The following GAP43 variants were observed in gnomAD, a reference collection of about 807,000 sequenced individuals.
The protein encoded by GAP43 is growth associated protein 43.
In GAP43, 6 loss-of-function variants were observed where a neutral mutation model predicts 18.6. That is an observed-to-expected ratio of 0.32 (90% CI 0.18 to 0.64). The LOEUF (loss-of-function observed/expected upper bound fraction) is 0.64. Ranked by LOEUF, GAP43 falls within the 30% of genes least tolerant of loss-of-function variation. GAP43 has a pLI of 0.78. For missense variants in GAP43, 292 were observed against 295.5 expected (o/e 0.99, Z 0.09); for synonymous variants, 115 against 111.4 (o/e 1.03, Z -0.20).
At chr3:115,715,502 T>C (rs1709492175) in intron 2 of GAP43, among the ~76,000 whole-genome samples, 1 of 152,206 alleles carries the variant, frequency 6.6e-6, no homozygotes, top group South Asian at 2.1e-4. Context: ...GGGAGGTTGA[T>C]CCGCTAGATG....
intron 1 of GAP43, among the ~76,000 whole-genome samples, chr3:115,650,265 A>T (rs1708505906): frequency 6.6e-6 from 1 of 152,152 alleles, no homozygotes; most frequent in Non-Finnish European, 1.5e-5. Flanking sequence ...TATGGTAAAG[A>T]GTGCAACTCA....
In GAP43 at chr3:115,683,121, A is replaced by ATG. The variant is rs1491453976; in HGVS notation, c.628+6514_628+6515dup. Among the ~76,000 whole-genome samples, 6 of 69,014 alleles carry ATG rather than the reference A, an allele frequency of 8.7e-5. No individual in the cohort carries two copies. In the South Asian group the frequency reaches 2.3e-3, roughly 26 times the overall value. 45.3% of individuals were successfully genotyped at this position (69,014 alleles called of 152,430 possible). ...ATATTTTTCTTTTTTCTCTACATAC[A>ATG]TGTGCGCGCGCGTGCGCGCGCGCGC... On this transcript the variant is annotated intron_variant, in intron 2 of 2. Coordinates refer to ENST00000305124, the MANE Select transcript of GAP43 (RefSeq NM_002045.4).
chr3:115,706,139 C>T (rs1050491744), intron 2 of GAP43, among the ~76,000 whole-genome samples: 3 of 151,808 alleles, frequency 2.0e-5, no homozygotes, highest in African/African-American at 7.3e-5. Flanking sequence ...ATGCCTGTCC[C>T]CAAATAACTT....
chr3:115,677,804 A>G, intron 2 of GAP43, among the ~76,000 whole-genome samples: 1 of 152,228 alleles, frequency 6.6e-6, no homozygotes, highest in Non-Finnish European at 1.5e-5. Flanking sequence ...ATGTTTTGGC[A>G]TCTGACCATC....
chr3:115,643,419 T>C (rs1708422102), intron 1 of GAP43, among the ~76,000 whole-genome samples: 1 of 152,072 alleles, frequency 6.6e-6, no homozygotes, highest in South Asian at 2.1e-4. Context: ...GTGAGCTCTC[T>C]GATATTATCC....
intron 1 of GAP43, among the ~76,000 whole-genome samples, chr3:115,661,971 G>C (rs916422929): frequency 6.6e-6 from 1 of 151,050 alleles, no homozygotes; most frequent in African/African-American, 2.4e-5. Flanking sequence ...TAAGCAATGG[G>C]AATGTCTAAA....
At chr3:115,700,299 T>G (rs1324483364) in intron 2 of GAP43, among the ~76,000 whole-genome samples, 1 of 152,158 alleles carries the variant, frequency 6.6e-6, no homozygotes, top group Non-Finnish European at 1.5e-5. Context: ...CTGGCCAATA[T>G]GAATAATGAT....
At chr3:115,657,575 G>A (rs904706649) in intron 1 of GAP43, among the ~76,000 whole-genome samples, 3 of 152,154 alleles carry the variant, frequency 2.0e-5, no homozygotes, top group Non-Finnish European at 1.5e-5. Flanking sequence ...TTACAGTTGG[G>A]TGAGAAGCTA....
At chr3:115,688,807 T>G (rs1425401493) in intron 2 of GAP43, among the ~76,000 whole-genome samples, 1 of 152,180 alleles carries the variant, frequency 6.6e-6, no homozygotes, top group East Asian at 1.9e-4. Flanking sequence ...AAACCACTCA[T>G]ACAAAGCTAT....
Position 115,625,281 on chromosome 3 carries a change from G to A in GAP43, c.30+1562G>A, listed in dbSNP as rs1250461981. Among the ~76,000 whole-genome samples, 5 of 151,726 alleles carry A rather than the reference G, an allele frequency of 3.3e-5. No homozygotes were observed. In the East Asian group the frequency reaches 7.8e-4, roughly 24 times the overall value. ...TATTTGGGGGAAAAAGTCGGATAGTGGGGGATTGAGTTGGGGGCGGTATTT... is the reference window on the plus strand; with the variant it reads ...TATTTGGGGGAAAAAGTCGGATAGTAGGGGATTGAGTTGGGGGCGGTATTT... On this transcript the variant is annotated intron_variant, in intron 1 of 2. Coordinates refer to ENST00000305124, the MANE Select transcript of GAP43 (RefSeq NM_002045.4).
intron 2 of GAP43, among the ~76,000 whole-genome samples, chr3:115,698,247 A>AATATATAATATATAATATATATAAAAT (rs1553724665): frequency 6.9e-4 from 10 of 14,442 alleles, no homozygotes; most frequent in African/African-American, 1.3e-4. Context: ...AAATATATAT[A>AATATATAATATATAATATATATAAAAT]ATATATAATA....
chr3:115,696,590 C>T (rs937922058), intron 2 of GAP43, among the ~76,000 whole-genome samples: 1 of 129,050 alleles, frequency 7.7e-6, no homozygotes, highest in Non-Finnish European at 1.6e-5. Flanking sequence ...CCCCCCCCCC[C>T]ACAAACAGGT....
intron 2 of GAP43, 90 bp downstream of exon 2, chr3:115,676,700 G>A: frequency 7.7e-7 from 1 of 1,298,020 alleles, no homozygotes; most frequent in Non-Finnish European, 1.0e-6. Flanking sequence ...TTGAGGGAGA[G>A]GAAAAAGTCT....
intron 1 of GAP43, among the ~76,000 whole-genome samples, chr3:115,672,796 C>T (rs1340718193): frequency 8.1e-6 from 1 of 123,146 alleles, no homozygotes; most frequent in African/African-American, 3.0e-5. Flanking sequence ...TTCCCTGCGT[C>T]TGTTTCTTTA....
At chr3:115,677,366 G>T (rs551862036) in intron 2 of GAP43, among the ~76,000 whole-genome samples, 1 of 152,184 alleles carries the variant, frequency 6.6e-6, no homozygotes, top group African/African-American at 2.4e-5. Flanking sequence ...AATAATTGAG[G>T]GTTCCTATGA....
At chr3:115,701,710 T>G (rs920092130) in intron 2 of GAP43, among the ~76,000 whole-genome samples, 1 of 152,062 alleles carries the variant, frequency 6.6e-6, no homozygotes, top group Non-Finnish European at 1.5e-5. Context: ...TCTACCAACC[T>G]CCAATGTTTG....
intron 2 of GAP43, among the ~76,000 whole-genome samples, chr3:115,718,836 T>C (rs994757953): frequency 3.9e-5 from 6 of 152,208 alleles, no homozygotes; most frequent in African/African-American, 1.4e-4. Context: ...AGAATGTTTT[T>C]TGATAGGTAT....
At chr3:115,638,899 C>T (rs573092245) in intron 1 of GAP43, among the ~76,000 whole-genome samples, 2 of 152,176 alleles carry the variant, frequency 1.3e-5, no homozygotes, top group Admixed American at 1.3e-4. Context: ...TGTATTACAA[C>T]ATTCAATAGA....
intron 1 of GAP43, among the ~76,000 whole-genome samples, chr3:115,657,448 T>G (rs952927066): frequency 1.3e-5 from 2 of 152,168 alleles, no homozygotes; most frequent in Non-Finnish European, 2.9e-5. Flanking sequence ...ATCTTTCACT[T>G]GTTAATTCAT....
Sources: gnomAD v4.1 joint callset for allele counts (sites outside exome capture counted in the v4.1 genomes callset) on GRCh38, gnomAD v4.1.1 for gene constraint, MANE v1.5 for transcripts, NCBI Gene and HGNC (gene_info 2026-07-23, HGNC 2026-07-21) for gene names.